MAPKBP1: variants seen among roughly 807,000 people sequenced by gnomAD.
MAPKBP1 encodes mitogen-activated protein kinase binding protein 1.
In MAPKBP1, 71 loss-of-function variants were observed where a neutral mutation model predicts 170.5. The ratio of observed to expected loss-of-function variants is 0.42; its 90% CI spans 0.34 to 0.51. MAPKBP1 has a LOEUF of 0.51. Ranked by LOEUF, MAPKBP1 falls within the 20% of genes least tolerant of loss-of-function variation. MAPKBP1 has a pLI of 0.06. For synonymous variants in MAPKBP1, 719 were observed against 757.9 expected (o/e 0.95, Z 0.84); for missense variants, 1,598 against 1,933.0 (o/e 0.83, Z 3.25).
At chr15:41,791,379 G>C (rs965260894) in intron 2 of MAPKBP1, among the ~76,000 whole-genome samples, 1 of 152,112 alleles carries the variant, frequency 6.6e-6, no homozygotes, top group African/African-American at 2.4e-5. Flanking sequence ...AGCCACTCCC[G>C]TGCCATTGCA....
rs1183578619 is a variant in MAPKBP1, at chr15:41,812,554, G to A, written c.537G>A (p.Arg179=). The change falls in exon 7 of 31, where the codon CGG becomes CGA. Residue 179 remains arginine, a synonymous_variant. Coordinates refer to ENST00000457542, the MANE Select transcript of MAPKBP1 (RefSeq NM_014994.3). ...TGGCCTCCAACAAGGTGTCCAGTCG[G>A]GTGACAGCAGTGTCCTTCTCTGAGG... ...IVVASNKVSS[R]VTAVSFSEDC... 1.2e-6 allele frequency: 2 copies of A among 1,614,234 alleles called. No individual in the cohort carries two copies. The highest frequency in any genetic ancestry group is 8.5e-7 in the Non-Finnish European group (1 of 1,180,044).
rs753464402 is a variant in MAPKBP1 at position 41,812,091 on chromosome 15, C to T, written c.462C>T (p.Tyr154=). ...PSAKYIVSVG[Y]QHDMIVNVWA... is the part of the protein sequence containing the mutation. ...CCAAGTACATTGTCTCTGTGGGCTA[C>T]CAGCATGACATGATCGTCAACGTGT... The change falls in exon 6 of 31, where the codon TAC becomes TAT. Residue 154 remains tyrosine, a synonymous_variant. Transcript: ENST00000457542. 6.2e-7 allele frequency: 1 copy of T among 1,614,080 alleles called. No homozygotes were observed.
Position 41,818,560 on chromosome 15 carries a change from C to T in MAPKBP1, c.2134C>T (p.Leu712Phe), listed in dbSNP as rs758656367. The change falls in exon 19 of 31, where the codon CTC (leucine) becomes TTC (phenylalanine). Residue 712 changes from leucine (L) to phenylalanine (F), a missense_variant. By Grantham distance (22) the Leu-to-Phe change is conservative. This residue lies in a region of MAPKBP1 where 63 missense variants were observed against 115.2 expected (regional missense o/e 0.55). Transcript: ENST00000457542. The surrounding 1 kb of genome is among the most constrained non-coding windows in gnomAD (Gnocchi z 5.2). ...GAAATTTAGTAATGATTGTAAACAT[C>T]TCATCTCTGTGTCTGGGGACAGGTG... ...GMKFSNDCKHLISVSGDSCIF... is the reference protein window; with the variant it reads ...GMKFSNDCKHFISVSGDSCIF... 9.3e-6 allele frequency: 15 copies of T among 1,613,368 alleles called. No individual in the cohort carries two copies. The South Asian group carries it at 1.4e-4, about 15-fold the overall frequency.
intron 2 of MAPKBP1, among the ~76,000 whole-genome samples, chr15:41,791,544 C>A (rs1368030477): frequency 6.6e-6 from 1 of 152,242 alleles, no homozygotes; most frequent in Non-Finnish European, 1.5e-5. Context: ...AGCTCGTGAA[C>A]TGATCAGATC....
intron 21 of MAPKBP1, 48 bp from the exon 22 acceptor site, chr15:41,819,547 C>CGAGG: frequency 8.1e-7 from 1 of 1,228,200 alleles, no homozygotes; most frequent in Non-Finnish European, 1.1e-6. Context: ...GGTTGGGTGG[C>CGAGG]GGGGGGGGGG....
Position 41,818,533 on chromosome 15 carries a change from A to G in MAPKBP1, c.2107A>G (p.Met703Val). 1 of 1,613,220 alleles carries G rather than the reference A, an allele frequency of 6.2e-7. No individual in the cohort carries two copies. ...GTTCTTCACAGAGATTGTCACTGGC[A>G]TGAAATTTAGTAATGATTGTAAACA... is the stretch of plus-strand genomic sequence containing the variant. ...MFGHSEIVTG[M>V]KFSNDCKHLI... Residue 703 changes from methionine to valine, a missense_variant, in exon 19 of 31, where the codon ATG becomes GTG. Physicochemically the swap from Met to Val is conservative, Grantham distance 21. Coordinates refer to ENST00000457542, the MANE Select transcript of MAPKBP1 (RefSeq NM_014994.3). The surrounding 1 kb of genome is among the most constrained non-coding windows in gnomAD (Gnocchi z 5.2).
At chr15:41,819,555 G>GGGGGGGGGGGGA in intron 21 of MAPKBP1, 40 bp from the exon 22 acceptor site, 1 of 1,481,944 alleles carries the variant, frequency 6.7e-7, no homozygotes, top group Non-Finnish European at 9.3e-7. Flanking sequence ...GGCGGGGGGG[G>GGGGGGGGGGGGA]GGCAGGAGAC....
chr15:41,802,395 C>CT (rs562155602), intron 3 of MAPKBP1, among the ~76,000 whole-genome samples: 27 of 150,176 alleles, frequency 1.8e-4, no homozygotes, highest in South Asian at 2.1e-4. Flanking sequence ...ATTTTATAAA[C>CT]TTTTTTTTTT....
Position 41,812,524 on chromosome 15 carries a change from T to C in MAPKBP1, c.507T>C (p.Ile169=), listed in dbSNP as rs2064822718. The change falls in exon 7 of 31, where the codon ATT becomes ATC. Residue 169 remains isoleucine, a synonymous_variant. Transcript: ENST00000457542. The part of the protein sequence containing the change: ...IVNVWAWKKN[I]VVASNKVSSR... Reference sequence around the variant, plus strand: ...TTTGGCATCCCCTCCAGAAAAACATTGTGGTGGCCTCCAACAAGGTGTCCA... The same window carrying C: ...TTTGGCATCCCCTCCAGAAAAACATCGTGGTGGCCTCCAACAAGGTGTCCA... The C allele has an allele frequency of 2.5e-6, 4 of 1,614,098 alleles. No homozygotes were observed. Among genetic ancestry groups the C allele is most frequent in the Admixed American group, 3.3e-5 (2 of 59,996 alleles).
intron 1 of MAPKBP1, 41 bp from the exon 2 acceptor site, chr15:41,775,126 G>A (rs2064075608): frequency 1.6e-6 from 1 of 634,626 alleles, no homozygotes; most frequent in Non-Finnish European, 2.8e-6. Flanking sequence ...CTAGGCAGAA[G>A]GTAAGACACT....
chr15:41,801,188 T>G (rs1037219819), intron 3 of MAPKBP1, among the ~76,000 whole-genome samples: 1 of 152,264 alleles, frequency 6.6e-6, no homozygotes, highest in Non-Finnish European at 1.5e-5. Context: ...TTAGCTATTA[T>G]GAATATTCGC....
chr15:41,813,498 C>A, intron 8 of MAPKBP1, 123 bp from the exon 9 acceptor site: 1 of 1,429,100 alleles, frequency 7.0e-7, no homozygotes, highest in Non-Finnish European at 9.7e-7. Context: ...GGCAGCTGGG[C>A]GGCTTTTCCC....
chr15:41,825,288 A>G lies in MAPKBP1; in HGVS notation c.4379A>G (p.Gln1460Arg). ...AGAGACACCTTCTCTTCAGTGCGACAGGAGCTGGAAGCTGTGGCTGGGGCA... is the reference window on the plus strand; with the variant it reads ...AGAGACACCTTCTCTTCAGTGCGACGGGAGCTGGAAGCTGTGGCTGGGGCA... ...LLRDTFSSVR[Q>R]ELEAVAGAVL... is the part of the protein sequence containing the mutation. The change falls in exon 31 of 31, where the codon CAG becomes CGG. Residue 1460 changes from glutamine to arginine, a missense_variant. Gln to Arg is a conservative substitution (Grantham distance 43, BLOSUM62 1). This residue lies in a region of MAPKBP1 where 942 missense variants were observed against 953.2 expected (regional missense o/e 0.99). Transcript: ENST00000457542. 7 of 1,612,538 alleles carry G rather than the reference A, an allele frequency of 4.3e-6. No homozygotes were observed. Among genetic ancestry groups the G allele is most frequent in the Non-Finnish European group, 5.9e-6 (7 of 1,179,038 alleles).
chr15:41,818,277 G>A lies in MAPKBP1; in HGVS notation c.2064G>A (p.Glu688=), dbSNP rs148888745. 3 of 1,614,146 alleles carry A rather than the reference G, an allele frequency of 1.9e-6. No homozygotes were observed. Among genetic ancestry groups the A allele is most frequent in the Admixed American group, 3.3e-5 (2 of 60,028 alleles). Reference sequence around the variant, plus strand: ...CCATTTTTGACTTCTCCTCAGGCGAGTGCGTGGCCACCATGTTTGGCCACT... The same window carrying A: ...CCATTTTTGACTTCTCCTCAGGCGAATGCGTGGCCACCATGTTTGGCCACT... ...NLSIFDFSSG[E]CVATMFGHSE... The change falls in exon 18 of 31, where the codon GAG becomes GAA. Residue 688 remains glutamate (E), a synonymous_variant. Coordinates refer to ENST00000457542, the MANE Select transcript of MAPKBP1 (RefSeq NM_014994.3). This position sits in a 1 kb window ranked among gnomAD's most constrained non-coding sequence, Gnocchi z 5.2.
chr15:41,821,553 G>C, intron 23 of MAPKBP1, 31 bp from the exon 24 acceptor site: 1 of 1,608,004 alleles, frequency 6.2e-7, no homozygotes, highest in Non-Finnish European at 8.5e-7. Context: ...TGTCACCTCT[G>C]CTCTGTTAAC....
intron 2 of MAPKBP1, among the ~76,000 whole-genome samples, chr15:41,793,765 A>G (rs2064435719): frequency 6.6e-6 from 1 of 152,168 alleles, no homozygotes; most frequent in South Asian, 2.1e-4. Flanking sequence ...TGCTCATGCT[A>G]CATATTCAGT....
Position 41,822,636 on chromosome 15 carries a change from C to T in MAPKBP1, c.3273C>T (p.Ile1091=), listed in dbSNP as rs1213450807. 6.2e-7 allele frequency: 1 copy of T among 1,614,082 alleles called. No individual in the cohort carries two copies. The highest frequency in any genetic ancestry group is 2.2e-5 in the East Asian group (1 of 44,874). The part of the protein sequence containing the change: ...QVPERSESRS[I]SSRFLLQVQT... ...CAGAGAGGTCAGAGTCTCGGAGTAT[C>T]TCTTCACGATTCCTGTTGCAAGTAC... is the stretch of plus-strand genomic sequence containing the variant. The change falls in exon 27 of 31, where the codon ATC becomes ATT. Residue 1091 remains isoleucine, a synonymous_variant. Transcript: ENST00000457542.
chr15:41,824,465 C>A lies in MAPKBP1; in HGVS notation c.4214-19C>A. The A allele has an allele frequency of 1.3e-6, 2 of 1,572,852 alleles. No individual in the cohort carries two copies. The highest frequency in any genetic ancestry group is 1.7e-6 in the Non-Finnish European group (2 of 1,158,212). ...GGGCTACATGCTGGGCCTCACTGAG[C>A]TGTATCCGTCTCTTTCAGAGCCAGC... On this transcript the variant is annotated intron_variant, in intron 29 of 30. Transcript: ENST00000457542.
In MAPKBP1 at chr15:41,825,355, C is replaced by T. The variant is rs775481314; in HGVS notation, c.4446C>T (p.Ala1482=). ...GCAGCAGCCCTGGGGCTGTGGGAGC[C>T]GAGCAGACACAGGCCCTGCTGGAGC... The part of the protein sequence containing the change: ...SPGSSPGAVG[A]EQTQALLEQY... The change falls in exon 31 of 31, where the codon GCC becomes GCT. Residue 1482 remains alanine (A), a synonymous_variant. Transcript: ENST00000457542. 6.2e-6 allele frequency: 10 copies of T among 1,613,324 alleles called. No individual in the cohort carries two copies. Among genetic ancestry groups the T allele is most frequent in the South Asian group, 2.2e-5 (2 of 91,086 alleles).
Sources: gnomAD v4.1 joint callset for allele counts (sites outside exome capture counted in the v4.1 genomes callset) on GRCh38, gnomAD v4.1.1 for gene constraint, gnomAD v4.1.1 regional missense constraint, Gnocchi (gnomAD v3.1) non-coding constraint, MANE v1.5 for transcripts, NCBI Gene and HGNC (gene_info 2026-07-23, HGNC 2026-07-21) for gene names.